Variants in FYN observed in about 807,000 individuals in gnomAD.
FYN encodes FYN proto-oncogene, Src family tyrosine kinase.
In FYN, 10 loss-of-function variants were observed where a neutral mutation model predicts 70.2. The ratio of observed to expected loss-of-function variants is 0.14; its 90% CI spans 0.09 to 0.24. The LOEUF is 0.24. Among genes scored for constraint, FYN ranks in the 10% least tolerant of loss-of-function variants. The pLI, the probability that FYN is intolerant of heterozygous loss-of-function variation, is 1.00. For missense variants in FYN, 319 were observed against 673.1 expected (o/e 0.47, Z 5.82); for synonymous variants, 236 against 248.6 (o/e 0.95, Z 0.48).
At chr6:111,796,193 C>G (rs9400507) in intron 2 of FYN, among the ~76,000 whole-genome samples, 5,282 of 152,260 alleles carry the variant, frequency 0.035, 139 homozygotes, top group East Asian at 0.14. Context: ...TTGCCCACCA[C>G]AAATGTTCTC....
intron 2 of FYN, among the ~76,000 whole-genome samples, chr6:111,783,820 G>T (rs1047349785): frequency 6.6e-6 from 1 of 152,240 alleles, no homozygotes; most frequent in Non-Finnish European, 1.5e-5. Context: ...CCAAGGTTTT[G>T]CAGTGTGCTG....
intron 3 of FYN, among the ~76,000 whole-genome samples, chr6:111,770,617 C>A (rs1424201830): frequency 1.3e-5 from 2 of 152,154 alleles, no homozygotes; most frequent in Non-Finnish European, 2.9e-5. Flanking sequence ...ATATCTGTGA[C>A]TGGGTAATTC....
At chr6:111,785,996 A>G (rs978268071) in intron 2 of FYN, among the ~76,000 whole-genome samples, 37 of 151,318 alleles carry the variant, frequency 2.4e-4, no homozygotes, top group Non-Finnish European at 4.7e-4. Flanking sequence ...AAGGACATGA[A>G]CTCATTCTTT....
intron 1 of FYN, among the ~76,000 whole-genome samples, chr6:111,856,580 TTTCTGAAAAGA>T (rs1420193009): frequency 6.6e-6 from 1 of 152,200 alleles, no homozygotes; most frequent in Non-Finnish European, 1.5e-5. Flanking sequence ...AAAAATTTTA[TTTCTGAAAAGA>T]TTCTGAAGAG....
intron 3 of FYN, among the ~76,000 whole-genome samples, chr6:111,756,637 G>T (rs1802749331): frequency 6.6e-6 from 1 of 152,086 alleles, no homozygotes; most frequent in Non-Finnish European, 1.5e-5. Flanking sequence ...GTGGATTTTT[G>T]CTAATAATGC....
At chr6:111,674,765 G>A (rs1322687903) in intron 12 of FYN, 135 bp from the exon 13 acceptor site, 4 of 920,544 alleles carry the variant, frequency 4.3e-6, no homozygotes, top group Non-Finnish European at 6.5e-6. Context: ...AGGTGAAGCA[G>A]GAATGGGCTG....
intron 2 of FYN, among the ~76,000 whole-genome samples, chr6:111,812,491 A>AT (rs1321783412): frequency 6.6e-6 from 1 of 152,132 alleles, no homozygotes; most frequent in Non-Finnish European, 1.5e-5. Context: ...GAAGAAAAAA[A>AT]GTTTGGGGAG....
intron 1 of FYN, among the ~76,000 whole-genome samples, chr6:111,863,116 C>T (rs1774011557): frequency 6.6e-6 from 1 of 152,196 alleles, no homozygotes; most frequent in South Asian, 2.1e-4. Flanking sequence ...ATCCAAGAAC[C>T]AGTATCTACA....
rs146187358 is a variant in FYN at position 111,703,030 on chromosome 6, G to C, written c.552C>G (p.Ala184=). ...CCCAATCACGGATAGAAAGTGAATAGGCACCTGGTAAACGTGGAAAGCATT... is the reference window on the plus strand; with the variant it reads ...CCCAATCACGGATAGAAAGTGAATACGCACCTGGTAAACGTGGAAAGCATT... ...LIRESETTKG[A]YSLSIRDWDD... Residue 184 remains alanine, a synonymous_variant, in exon 8 of 14, where the codon GCC becomes GCG. Coordinates refer to ENST00000354650, the MANE Select transcript of FYN (RefSeq NM_002037.5). 9.9e-6 allele frequency: 16 copies of C among 1,613,658 alleles called. No homozygotes were observed. Among genetic ancestry groups the C allele is most frequent in the East Asian group, 4.5e-5 (2 of 44,868 alleles).
At chr6:111,830,891 T>C (rs894452214) in intron 2 of FYN, among the ~76,000 whole-genome samples, 2 of 151,562 alleles carry the variant, frequency 1.3e-5, no homozygotes, top group Non-Finnish European at 2.9e-5. Context: ...AGAAGGTATA[T>C]ATAAAGATGG....
At chr6:111,870,254 T>G (rs542806317) in intron 1 of FYN, among the ~76,000 whole-genome samples, 1 of 152,306 alleles carries the variant, frequency 6.6e-6, no homozygotes, top group East Asian at 1.9e-4. Context: ...CTGTTGCCCC[T>G]TCTGTAAACT....
At chr6:111,769,618 TA>T (rs1394965937) in intron 3 of FYN, among the ~76,000 whole-genome samples, 1 of 152,140 alleles carries the variant, frequency 6.6e-6, no homozygotes, top group East Asian at 1.9e-4. Flanking sequence ...ATAACTGGTA[TA>T]AAAAACAGAC....
At chr6:111,706,831 G>A (rs1800112654) in intron 6 of FYN, among the ~76,000 whole-genome samples, 1 of 152,150 alleles carries the variant, frequency 6.6e-6, no homozygotes, top group Non-Finnish European at 1.5e-5. Flanking sequence ...AAAGATGTTT[G>A]CAAATCTGCC....
chr6:111,856,491 T>C (rs1377030503), intron 1 of FYN, among the ~76,000 whole-genome samples: 1 of 152,200 alleles, frequency 6.6e-6, no homozygotes, highest in African/African-American at 2.4e-5. Flanking sequence ...AAATAATTAC[T>C]TATGTTATTA....
Position 111,724,829 on chromosome 6 carries a change from G to A in FYN, c.-11-4767C>T, listed in dbSNP as rs116600389. Among the ~76,000 whole-genome samples the A allele has an allele frequency of 4.7e-4, 72 of 152,270 alleles. 1 individual carries two copies. The highest frequency in any genetic ancestry group is 1.6e-3 in the African/African-American group (66 of 41,548). ...TGACAGGTAAAGCCACATTTGGCCCGTACTTAGAGGTGGCATGTTTCCTGG... is the reference window on the plus strand; with the variant it reads ...TGACAGGTAAAGCCACATTTGGCCCATACTTAGAGGTGGCATGTTTCCTGG... On this transcript the variant is annotated intron_variant, in intron 3 of 13. Transcript: ENST00000354650.
At chr6:111,730,043 A>G (rs1014892049) in intron 3 of FYN, among the ~76,000 whole-genome samples, 2 of 152,222 alleles carry the variant, frequency 1.3e-5, no homozygotes, top group African/African-American at 4.8e-5. Context: ...AAAAATTAAG[A>G]GGGAGAGACT....
chr6:111,807,291 T>G (rs1772179877), intron 2 of FYN, among the ~76,000 whole-genome samples: 1 of 152,204 alleles, frequency 6.6e-6, no homozygotes, highest in Non-Finnish European at 1.5e-5. Context: ...AAATAGACAC[T>G]GGGCTTTACT....
intron 4 of FYN, among the ~76,000 whole-genome samples, chr6:111,716,478 C>T (rs1800647446): frequency 6.6e-6 from 1 of 152,170 alleles, no homozygotes; most frequent in Non-Finnish European, 1.5e-5. Context: ...ACGCAGCACC[C>T]TCTGTGTACC....
intron 2 of FYN, among the ~76,000 whole-genome samples, chr6:111,824,308 G>T (rs1263978795): frequency 6.6e-6 from 1 of 152,142 alleles, no homozygotes; most frequent in East Asian, 1.9e-4. Flanking sequence ...GGGGCAACGT[G>T]GATGATGGTA....
Sources: gnomAD v4.1 joint callset for allele counts (sites outside exome capture counted in the v4.1 genomes callset) on GRCh38, gnomAD v4.1.1 for gene constraint, MANE v1.5 for transcripts, NCBI Gene and HGNC (gene_info 2026-07-23, HGNC 2026-07-21) for gene names.